Variants in SIGIRR observed in about 807,000 individuals in gnomAD.
The protein encoded by SIGIRR is single Ig IL-1-related receptor.
SIGIRR carries 41 observed loss-of-function variants against 45.6 expected under a neutral mutation model. The ratio of observed to expected loss-of-function variants is 0.90; its 90% CI spans 0.70 to 1.17. The LOEUF (loss-of-function observed/expected upper bound fraction) is 1.17. Ranked by LOEUF, SIGIRR falls within the 50% of genes most tolerant of loss-of-function variation. The pLI is 0.00. For synonymous variants in SIGIRR, 298 were observed against 239.0 expected (o/e 1.25, Z -2.28); for missense variants, 599 against 539.6 (o/e 1.11, Z -1.09).
rs774838659 is a variant in SIGIRR at position 407,524 on chromosome 11, C to G, written c.526G>C (p.Glu176Gln). The G allele has an allele frequency of 6.2e-7, 1 of 1,608,824 alleles. No homozygotes were observed. Among genetic ancestry groups the G allele is most frequent in the Non-Finnish European group, 8.5e-7 (1 of 1,178,260 alleles). ...DAYVSYSDCP[E>Q]DRKFVNFILK... ...ATGAAGTTCACGAACTTGCGGTCCT[C>G]GGGGCAGTCGCTGTAGGAGACGTAG... Residue 176 changes from glutamate (E) to glutamine (Q), a missense_variant, in exon 6 of 10, where the codon GAG (glutamate) becomes CAG (glutamine). By Grantham distance (29) the Glu-to-Gln change is conservative. Transcript: ENST00000431843.
upstream of SIGIRR, among the ~76,000 whole-genome samples, chr11:417,025 G>A (rs1847905711): frequency 6.6e-6 from 1 of 152,196 alleles, no homozygotes. This position sits in a 1 kb window ranked among gnomAD's most constrained non-coding sequence, Gnocchi z 4.2. Context: ...GGCGCTCCTA[G>A]CCCCGCTCTG....
Position 409,989 on chromosome 11 carries a change from T to C in SIGIRR, c.-115A>G. 8.0e-7 allele frequency: 1 copy of C among 1,247,528 alleles called. No individual in the cohort carries two copies. Among genetic ancestry groups the C allele is most frequent in the Non-Finnish European group, 1.0e-6 (1 of 994,872 alleles). 77.3% of individuals were successfully genotyped at this position (1,247,528 alleles called of 1,614,324 possible). A position where few individuals can be genotyped will look rare whatever the true frequency, so the allele number is the denominator to read the frequency against. ...AGCTGGGCAGGACTCCTCTCTGTCC[T>C]TGCAGTCAGCTGGACAGGGCACCTG... On this transcript the variant is annotated 5_prime_UTR_variant, in exon 2 of 10. Coordinates refer to ENST00000431843, the MANE Select transcript of SIGIRR (RefSeq NM_001135054.2).
Position 406,929 on chromosome 11 carries a change from T to C in SIGIRR, c.793A>G (p.Arg265Gly). The C allele has an allele frequency of 6.3e-7, 1 of 1,599,640 alleles. No homozygotes were observed. Among genetic ancestry groups the C allele is most frequent in the Non-Finnish European group, 8.5e-7 (1 of 1,177,264 alleles). ...RPIFITFEGQ[R>G]RDPAHPALRL... The stretch of plus-strand genomic sequence containing the variant: ...AGCGCCGGGTGCGCGGGGTCGCGCC[T>C]CTGGCCCTCGAAGGTGATGAAGATG... The change falls in exon 8 of 10, where the codon AGG (arginine) becomes GGG (glycine). Residue 265 changes from arginine (R) to glycine (G), a missense_variant. Physicochemically the swap from Arg to Gly is moderately radical, Grantham distance 125 (BLOSUM62 -2). Coordinates refer to ENST00000431843, the MANE Select transcript of SIGIRR (RefSeq NM_001135054.2).
chr11:407,056 AC>A lies in SIGIRR; in HGVS notation c.728+5del, dbSNP rs1564887547. The stretch of plus-strand genomic sequence containing the variant: ...TGGGGCCCACCCAACCCCGCGCGGG[AC>A]CCACCGGAAGCTGTGGCTGCACCAG... On this transcript the variant is annotated splice_donor_5th_base_variant and intron_variant, in intron 7 of 9. Coordinates refer to ENST00000431843, the MANE Select transcript of SIGIRR (RefSeq NM_001135054.2). 2 of 1,575,106 alleles carry A rather than the reference AC, an allele frequency of 1.3e-6. No homozygotes were observed. The highest frequency in any genetic ancestry group is 1.7e-6 in the Non-Finnish European group (2 of 1,166,924).
At chr11:407,709 C>G (rs1847409897) in intron 5 of SIGIRR, 108 bp downstream of exon 5, 2 of 1,570,036 alleles carry the variant, frequency 1.3e-6, no homozygotes, top group East Asian at 4.5e-5. Context: ...GCACAGAGCA[C>G]CCGGGGGCTA....
At position 406,927 on chromosome 11, in the gene SIGIRR, C is replaced by T; in HGVS notation, c.795G>A (p.Arg265=). 1 of 1,598,910 alleles carries T rather than the reference C, an allele frequency of 6.3e-7. No homozygotes were observed. The highest frequency in any genetic ancestry group is 8.5e-7 in the Non-Finnish European group (1 of 1,177,022). The stretch of plus-strand genomic sequence containing the variant: ...GGAGCGCCGGGTGCGCGGGGTCGCG[C>T]CTCTGGCCCTCGAAGGTGATGAAGA... ...RPIFITFEGQ[R]RDPAHPALRL... Residue 265 remains arginine, a synonymous_variant, in exon 8 of 10, where the codon AGG becomes AGA. Coordinates refer to ENST00000431843, the MANE Select transcript of SIGIRR (RefSeq NM_001135054.2).
Position 408,088 on chromosome 11 carries a change from T to C in SIGIRR, c.325A>G (p.Thr109Ala). 6.2e-7 allele frequency: 1 copy of C among 1,612,208 alleles called. No homozygotes were observed. Reference sequence around the variant, plus strand: ...CCCCCATCACCAGCTCTCTGAAGAGTGAAGGAGGAGAAGCTGATGTTCTGG... The same window carrying C: ...CCCCCATCACCAGCTCTCTGAAGAGCGAAGGAGGAGAAGCTGATGTTCTGG... ...SIQNISFSSFTLQRAGPTSHV... is the reference protein window; with the variant it reads ...SIQNISFSSFALQRAGPTSHV... The change falls in exon 4 of 10, where the codon ACT (threonine) becomes GCT (alanine). Residue 109 changes from threonine to alanine, a missense_variant. Transcript: ENST00000431843.
Position 408,748 on chromosome 11 carries a change from T to C in SIGIRR, c.153A>G (p.Lys51=), listed in dbSNP as rs1397415495. The C allele has an allele frequency of 6.2e-7, 1 of 1,612,818 alleles. No individual in the cohort carries two copies. Among genetic ancestry groups the C allele is most frequent in the Non-Finnish European group, 8.5e-7 (1 of 1,179,984 alleles). ...HCSLPSVQWL[K]DGLPLGIGGH... ...CCCCAATTCCCAATGGAAGCCCGTC[T>C]TTCAGCCACTGGACTGAAGGCAGGG... Residue 51 remains lysine, a synonymous_variant, in exon 3 of 10, where the codon AAA becomes AAG. Coordinates refer to ENST00000431843, the MANE Select transcript of SIGIRR (RefSeq NM_001135054.2).
At chr11:410,118 G>T (rs1309495522) in intron 1 of SIGIRR, 91 bp from the exon 2 acceptor site, 4 of 1,119,862 alleles carry the variant, frequency 3.6e-6, no homozygotes, top group South Asian at 4.4e-5. Context: ...CTGACCAGAT[G>T]CGACCCTGAG....
intron 1 of SIGIRR, among the ~76,000 whole-genome samples, chr11:414,090 T>C (rs1590393665): frequency 2.3e-5 from 1 of 44,022 alleles, no homozygotes; most frequent in Non-Finnish European, 4.1e-5. Context: ...CCTCCCCACC[T>C]TTCCCTGCAC....
chr11:408,965 G>A, intron 2 of SIGIRR, 72 bp from the exon 3 acceptor site: 3 of 1,423,858 alleles, frequency 2.1e-6, no homozygotes, highest in South Asian at 2.3e-5. Flanking sequence ...GTGGTCCGTG[G>A]TGCAGGAAGA....
chr11:411,712 CGGTGGG>C (rs2133641276), intron 1 of SIGIRR, among the ~76,000 whole-genome samples: 3 of 19,148 alleles, frequency 1.6e-4, no homozygotes, highest in Admixed American at 6.9e-4. Context: ...TGGATACAGT[CGGTGGG>C]GGGGGGGGGT....
chr11:415,236 G>GC (rs539069536), upstream of SIGIRR, among the ~76,000 whole-genome samples: 1 of 118,070 alleles, frequency 8.5e-6, no homozygotes, highest in Admixed American at 8.5e-5. The surrounding 1 kb of genome is among the most constrained non-coding windows in gnomAD (Gnocchi z 6.6). Flanking sequence ...GTGTGTGTGT[G>GC]TGTGTGTGTG....
chr11:409,775 TG>T, intron 2 of SIGIRR, 92 bp downstream of exon 2: 1 of 1,308,288 alleles, frequency 7.6e-7, no homozygotes, highest in Non-Finnish European at 9.9e-7. Context: ...GCAGAGTGCC[TG>T]GGATAAGAGC....
Position 406,921 on chromosome 11 carries a change from G to C in SIGIRR, c.801C>G (p.Asp267Glu), listed in dbSNP as rs773308873. Reference sequence around the variant, plus strand: ...GCAGGCGGAGCGCCGGGTGCGCGGGGTCGCGCCTCTGGCCCTCGAAGGTGA... The same window carrying C: ...GCAGGCGGAGCGCCGGGTGCGCGGGCTCGCGCCTCTGGCCCTCGAAGGTGA... ...IFITFEGQRR[D>E]PAHPALRLLR... The change falls in exon 8 of 10, where the codon GAC (aspartate) becomes GAG (glutamate). Residue 267 changes from aspartate to glutamate, a missense_variant. By Grantham distance (45) the Asp-to-Glu change is conservative. Coordinates refer to ENST00000431843, the MANE Select transcript of SIGIRR (RefSeq NM_001135054.2). The C allele has an allele frequency of 1.3e-6, 2 of 1,596,498 alleles. No individual in the cohort carries two copies. The highest frequency in any genetic ancestry group is 1.7e-5 in the Admixed American group (1 of 58,730).
intron 2 of SIGIRR, 199 bp from the exon 3 acceptor site, chr11:409,092 C>T (rs1847479337): frequency 4.9e-6 from 3 of 612,222 alleles, no homozygotes; most frequent in East Asian, 2.8e-5. Context: ...GGTGTTCCGC[C>T]CACCCTGTGC....
At position 406,844 on chromosome 11, in the gene SIGIRR, A is replaced by C; in HGVS notation, c.878T>G (p.Val293Gly). The change falls in exon 8 of 10, where the codon GTG becomes GGG. Residue 293 changes from valine to glycine, a missense_variant and splice_region_variant. Val to Gly is a moderately radical substitution (Grantham distance 109). Transcript: ENST00000431843. ...GACCCTCCCGCGCCTGCTCCGCACC[A>C]CGGAGCCGGGCCTCCAGAGCAGCAA... Reference protein sequence around the residue: ...VTLLLWRPGSVTPSSDFWKEV... With the variant: ...VTLLLWRPGSGTPSSDFWKEV... The C allele has an allele frequency of 1.3e-6, 2 of 1,554,340 alleles. No individual in the cohort carries two copies. The highest frequency in any genetic ancestry group is 8.6e-7 in the Non-Finnish European group (1 of 1,156,286).
chr11:415,621 C>T (rs1310622464), upstream of SIGIRR, among the ~76,000 whole-genome samples: 1 of 152,214 alleles, frequency 6.6e-6, no homozygotes, highest in Non-Finnish European at 1.5e-5. This position sits in a 1 kb window ranked among gnomAD's most constrained non-coding sequence, Gnocchi z 6.6. Flanking sequence ...CATAGCTCCC[C>T]CGATGGGTGA....
In SIGIRR at chr11:407,046, C is replaced by G. The variant is rs1279434498; in HGVS notation, c.728+16G>C. ...GGTGCTACGCTGGGGCCCACCCAACCCCGCGCGGGACCCACCGGAAGCTGT... is the reference window on the plus strand; with the variant it reads ...GGTGCTACGCTGGGGCCCACCCAACGCCGCGCGGGACCCACCGGAAGCTGT... On this transcript the variant is annotated intron_variant, in intron 7 of 9. Transcript: ENST00000431843. 6 of 1,576,714 alleles carry G rather than the reference C, an allele frequency of 3.8e-6. No individual in the cohort carries two copies. In the Admixed American group the frequency reaches 1.1e-4, roughly 28 times the overall value.
Sources: allele counts gnomAD v4.1 joint callset (sites outside exome capture counted in the v4.1 genomes callset), GRCh38; gene constraint gnomAD v4.1.1; non-coding constraint Gnocchi (gnomAD v3.1); transcripts MANE v1.5; gene names NCBI Gene and HGNC (gene_info 2026-07-23, HGNC 2026-07-21).